MGAT4C: variants seen among roughly 807,000 people sequenced by gnomAD.
The protein encoded by MGAT4C is MGAT4 family member C, also known as alpha-1,3-mannosyl-glycoprotein 4-beta-N-acetylglucosaminyltransferase C.
Under a neutral mutation model 40.1 loss-of-function variants are expected in MGAT4C, and 19 were observed. The observed-to-expected ratio is 0.47, with a 90% CI of 0.33 to 0.70. MGAT4C has a LOEUF of 0.70. Among genes scored for constraint, MGAT4C ranks in the 30% least tolerant of loss-of-function variants. The pLI is 0.02. For synonymous variants in MGAT4C, 181 were observed against 187.1 expected (o/e 0.97, Z 0.27); for missense variants, 491 against 563.2 (o/e 0.87, Z 1.30).
intron 1 of MGAT4C, among the ~76,000 whole-genome samples, chr12:86,807,040 AAATT>A (rs1440851517): frequency 1.3e-5 from 2 of 151,706 alleles, no homozygotes; most frequent in Non-Finnish European, 2.9e-5. Context: ...ATAAATAAAT[AAATT>A]ATCAAAAAAA....
chr12:86,284,898 A>G (rs993885640), intron 4 of MGAT4C, among the ~76,000 whole-genome samples: 2 of 151,892 alleles, frequency 1.3e-5, no homozygotes, highest in African/African-American at 4.8e-5. Context: ...ACAGTCAATT[A>G]TTTTTTCAGT....
intron 1 of MGAT4C, among the ~76,000 whole-genome samples, chr12:86,140,298 A>T (rs549487925): frequency 2.0e-4 from 30 of 152,324 alleles, no homozygotes; most frequent in Middle Eastern, 3.4e-3. Context: ...TATCTCAAAA[A>T]TAATGAAGAA....
At chr12:86,177,727 G>C (rs1180105023) in intron 1 of MGAT4C, among the ~76,000 whole-genome samples, 2 of 151,952 alleles carry the variant, frequency 1.3e-5, no homozygotes, top group African/African-American at 2.4e-5. Flanking sequence ...TGTGATTACA[G>C]TGTCTAATAT....
chr12:86,258,460 G>A (rs1952587956), upstream of MGAT4C, among the ~76,000 whole-genome samples: 2 of 152,004 alleles, frequency 1.3e-5, no homozygotes, highest in South Asian at 4.1e-4. Flanking sequence ...TGTGCCTAGA[G>A]AAATACAGCA....
At chr12:86,423,919 G>A (rs1290512016) in intron 3 of MGAT4C, among the ~76,000 whole-genome samples, 1 of 152,098 alleles carries the variant, frequency 6.6e-6, no homozygotes, top group Non-Finnish European at 1.5e-5. Flanking sequence ...GCCTCAAAGG[G>A]GTAGGACATA....
At position 85,966,352 on chromosome 12, in the gene MGAT4C, TCTAC is replaced by T. The variant is rs1031578931; in HGVS notation, c.*12933_*12936del. On this transcript the variant is annotated 3_prime_UTR_variant, in exon 5 of 5. Transcript: ENST00000611864. ...CACTCTATTTAATTATTACCCATCA[TCTAC>T]CTACTTTGAAACTTTGGAGGTTTTA... The T allele has an allele frequency of 3.9e-5, 6 of 152,274 alleles. No homozygotes were observed. Among genetic ancestry groups the T allele is most frequent in the African/African-American group, 1.2e-4 (5 of 41,574 alleles). The allele number at this position is 152,274 out of a possible 1,614,324, so 9.4% of individuals were successfully genotyped here. A position where few individuals can be genotyped will look rare whatever the true frequency, so the allele number is the denominator to read the frequency against.
chr12:86,054,975 A>G (rs1338456945), intron 1 of MGAT4C, among the ~76,000 whole-genome samples: 2 of 152,016 alleles, frequency 1.3e-5, no homozygotes. Flanking sequence ...ACTTATTTCA[A>G]TTTTTAATGA....
intron 2 of MGAT4C, among the ~76,000 whole-genome samples, chr12:86,668,928 G>A (rs1964182100): frequency 6.6e-6 from 1 of 151,854 alleles, no homozygotes; most frequent in Non-Finnish European, 1.5e-5. Flanking sequence ...CCAGGCATTT[G>A]GAGCACCTAC....
chr12:86,294,469 C>A (rs184320329), intron 4 of MGAT4C, among the ~76,000 whole-genome samples: 1 of 152,056 alleles, frequency 6.6e-6, no homozygotes, highest in Non-Finnish European at 1.5e-5. Flanking sequence ...TCTTCGATTG[C>A]GCTTGTTCTC....
rs547456064 is a variant in MGAT4C at position 86,375,404 on chromosome 12, A to C, written c.-119-41277T>G. Among the ~76,000 whole-genome samples, 208 of 152,262 alleles carry C rather than the reference A, an allele frequency of 1.4e-3. 1 individual carries two copies. Among genetic ancestry groups the C allele is most frequent in the African/African-American group, 4.9e-3 (202 of 41,574 alleles). ...AATATAAAAATGTGAAAAGAAAATA[A>C]GGTATGGTTAGACATGCTGTCTACT... On this transcript the variant is annotated intron_variant, in intron 3 of 7. Transcript: ENST00000548651.
At chr12:86,717,584 G>T (rs905048110) in intron 2 of MGAT4C, among the ~76,000 whole-genome samples, 1 of 152,080 alleles carries the variant, frequency 6.6e-6, no homozygotes, top group Non-Finnish European at 1.5e-5. Flanking sequence ...ATGCTAAGTT[G>T]TGAGGTTTTC....
chr12:85,993,371 G>A (rs1359400312), intron 2 of MGAT4C, among the ~76,000 whole-genome samples: 3 of 152,302 alleles, frequency 2.0e-5, no homozygotes, highest in Non-Finnish European at 4.4e-5. Flanking sequence ...TACCATTGGA[G>A]GACAAAATGA....
rs530558404 is a variant in MGAT4C at position 86,587,507 on chromosome 12, G to A, written c.-229+139702C>T. Among the ~76,000 whole-genome samples, 390 of 152,068 alleles carry A rather than the reference G, an allele frequency of 2.6e-3. 1 individual carries two copies. The highest frequency in any genetic ancestry group is 9.2e-3 in the African/African-American group (383 of 41,524). ...TGAAGAAAGTCATTGGTAGCTTGATGGGGATGGCATTGAATCTATAAATTA... is the reference window on the plus strand; with the variant it reads ...TGAAGAAAGTCATTGGTAGCTTGATAGGGATGGCATTGAATCTATAAATTA... On this transcript the variant is annotated intron_variant, in intron 2 of 7. Coordinates refer to the MGAT4C transcript ENST00000548651.
chr12:86,255,694 A>C (rs1307191613), intron 1 of MGAT4C, among the ~76,000 whole-genome samples: 1 of 152,134 alleles, frequency 6.6e-6, no homozygotes, highest in Non-Finnish European at 1.5e-5. Context: ...TTTAAATGGT[A>C]AATATGAATG....
chr12:86,795,953 A>T (rs561704317), intron 1 of MGAT4C, among the ~76,000 whole-genome samples: 1 of 152,100 alleles, frequency 6.6e-6, no homozygotes, highest in South Asian at 2.1e-4. Flanking sequence ...TTAGAAAGAG[A>T]GCAACGTAAG....
chr12:86,080,145 G>C (rs1306632694), intron 1 of MGAT4C, among the ~76,000 whole-genome samples: 1 of 151,868 alleles, frequency 6.6e-6, no homozygotes, highest in African/African-American at 2.4e-5. Context: ...TCTCATTTTC[G>C]CTTTTGTTTC....
intron 4 of MGAT4C, among the ~76,000 whole-genome samples, chr12:86,296,915 C>G (rs912099924): frequency 5.3e-5 from 8 of 152,232 alleles, no homozygotes; most frequent in Non-Finnish European, 1.0e-4. Flanking sequence ...GCGCCCAGAG[C>G]GAGCGAGGGC....
At chr12:86,418,638 T>A (rs556804012) in intron 3 of MGAT4C, among the ~76,000 whole-genome samples, 7 of 151,528 alleles carry the variant, frequency 4.6e-5, no homozygotes, top group Non-Finnish European at 8.8e-5. Context: ...ATGTAATGAA[T>A]AAGTATTCAT....
intron 1 of MGAT4C, among the ~76,000 whole-genome samples, chr12:86,157,738 G>C (rs1463105828): frequency 2.6e-5 from 4 of 152,176 alleles, no homozygotes; most frequent in Non-Finnish European, 4.4e-5. Flanking sequence ...AGGAGAGAGA[G>C]AGTGGGCGAA....
Sources: gnomAD v4.1 joint callset for allele counts (sites outside exome capture counted in the v4.1 genomes callset) on GRCh38, gnomAD v4.1.1 for gene constraint, MANE v1.5 for transcripts, NCBI Gene and HGNC (gene_info 2026-07-23, HGNC 2026-07-21) for gene names.